CNGB1: variants seen among roughly 807,000 people sequenced by gnomAD.
CNGB1 encodes the protein cyclic nucleotide gated channel subunit beta 1, also known as cyclic nucleotide-gated channel beta-1.
A neutral mutation model predicts 151.7 loss-of-function variants in CNGB1; 126 were observed. That is an observed-to-expected ratio of 0.83 (90% confidence interval 0.72 to 0.96). The LOEUF is 0.96. Ranked by LOEUF, CNGB1 falls within the 40% of genes least tolerant of loss-of-function variation. The pLI, the probability that CNGB1 is intolerant of heterozygous loss-of-function variation, is 0.00. For synonymous variants in CNGB1, 623 were observed against 635.1 expected (o/e 0.98, Z 0.29); for missense variants, 1,698 against 1,627.0 (o/e 1.04, Z -0.75).
chr16:57,962,497 G>C (rs1962282732), intron 7 of CNGB1, 68 bp downstream of exon 7: 2 of 1,451,636 alleles, frequency 1.4e-6, no homozygotes, highest in East Asian at 4.5e-5. Context: ...CCCTGCTCCT[G>C]AAACCAAGGA....
At chr16:57,899,924 C>T (rs777788161) in intron 29 of CNGB1, among the ~76,000 whole-genome samples, 3 of 152,198 alleles carry the variant, frequency 2.0e-5, no homozygotes, top group Non-Finnish European at 1.5e-5. Flanking sequence ...CACACGTGCT[C>T]ACCAAGTGCT....
intron 2 of CNGB1, among the ~76,000 whole-genome samples, chr16:57,964,843 G>A (rs760631323): frequency 1.3e-5 from 2 of 152,202 alleles, no homozygotes; most frequent in Non-Finnish European, 2.9e-5. Context: ...TCAGTGGCCT[G>A]AGAGGAGAAA....
intron 17 of CNGB1, among the ~76,000 whole-genome samples, chr16:57,931,019 CTT>C (rs1428462342): frequency 6.6e-6 from 1 of 150,712 alleles, no homozygotes; most frequent in Non-Finnish European, 1.5e-5. Flanking sequence ...TTAAAAAAGA[CTT>C]GGTGAGTTAT....
intron 9 of CNGB1, 50 bp downstream of exon 9, chr16:57,960,432 C>T (rs745536297): frequency 6.2e-7 from 1 of 1,600,140 alleles, no homozygotes; most frequent in South Asian, 1.1e-5. Context: ...TCCCTGAGCC[C>T]AGCCCGTGAC....
intron 2 of CNGB1, 140 bp downstream of exon 2, chr16:57,966,988 T>A: frequency 8.7e-7 from 1 of 1,153,974 alleles, no homozygotes; most frequent in Non-Finnish European, 1.3e-6. Context: ...CTCGAACAAG[T>A]GTGGGACCCT....
chr16:57,912,966 C>T lies in CNGB1; in HGVS notation c.2333G>A (p.Arg778His), dbSNP rs374491029. Residue 778 changes from arginine to histidine, a missense_variant, in exon 24 of 33, where the codon CGC (arginine) becomes CAC (histidine). Coordinates refer to ENST00000251102, the MANE Select transcript of CNGB1 (RefSeq NM_001297.5). The part of the protein sequence containing the change: ...KYMAFFEFNS[R>H]LESILSKAYV... ...GGCTTTGCTGAGGATGGATTCCAGG[C>T]GGCTGTTAAACTCGAAGAAGGCCAT... 37 of 1,613,840 alleles carry T rather than the reference C, an allele frequency of 2.3e-5. No individual in the cohort carries two copies. Among genetic ancestry groups the T allele is most frequent in the Middle Eastern group, 3.3e-4 (2 of 6,084 alleles).
At chr16:57,950,603 G>T in intron 12 of CNGB1, 63 bp from the exon 13 acceptor site, 1 of 1,581,706 alleles carries the variant, frequency 6.3e-7, no homozygotes, top group Non-Finnish European at 8.6e-7. Context: ...GGGCCTCTGA[G>T]TCCCAGGGAG....
intron 25 of CNGB1, among the ~76,000 whole-genome samples, chr16:57,909,099 T>C (rs1407922433): frequency 6.6e-6 from 1 of 152,134 alleles, no homozygotes; most frequent in Admixed American, 6.5e-5. Context: ...CAAAACTCCA[T>C]ATATCCAAAA....
rs1465875523 is a variant in CNGB1 at position 57,960,593 on chromosome 16, C to A, written c.535-63G>T. On this transcript the variant is annotated intron_variant, in intron 8 of 32. Coordinates refer to ENST00000251102, the MANE Select transcript of CNGB1 (RefSeq NM_001297.5). ...CAAGCTCTGTGCGCTTCCCCAACCG[C>A]CACTACCAGCTGTGTCCTGGCCCAA... is the stretch of plus-strand genomic sequence containing the variant. The A allele has an allele frequency of 6.3e-6, 10 of 1,590,022 alleles. No individual in the cohort carries two copies. In the African/African-American group the frequency reaches 1.1e-4, roughly 17 times the overall value.
chr16:57,968,006 C>A (rs189491784), intron 1 of CNGB1, among the ~76,000 whole-genome samples: 1 of 151,982 alleles, frequency 6.6e-6, no homozygotes, highest in African/African-American at 2.4e-5. Context: ...ACACTATACC[C>A]AATAATAGAA....
At position 57,883,985 on chromosome 16, in the gene CNGB1, A is replaced by G; in HGVS notation, c.*179T>C. 1 of 783,650 alleles carries G rather than the reference A, an allele frequency of 1.3e-6. No individual in the cohort carries two copies. Among genetic ancestry groups the G allele is most frequent in the Non-Finnish European group, 2.1e-6 (1 of 475,294 alleles). The allele number at this position is 783,650 out of a possible 1,614,324, so 48.5% of individuals were successfully genotyped here. On this transcript the variant is annotated 3_prime_UTR_variant, in exon 33 of 33. Transcript: ENST00000251102. ...CGAGCTCAGGCCCAGCCCCGCGAGG[A>G]GCTGAGTCGGGGCTGGCGTGCTGGC...
At chr16:57,889,723 C>T (rs1247443710) in intron 31 of CNGB1, among the ~76,000 whole-genome samples, 3 of 152,116 alleles carry the variant, frequency 2.0e-5, no homozygotes, top group Non-Finnish European at 4.4e-5. Context: ...TATAGAAGTT[C>T]AGAGGGGGTG....
intron 4 of CNGB1, 86 bp downstream of exon 4, chr16:57,964,044 C>T: frequency 7.7e-7 from 1 of 1,294,562 alleles, no homozygotes; most frequent in Non-Finnish European, 1.1e-6. Context: ...CAGTGCCCAT[C>T]CCCACCCCCA....
chr16:57,960,956 C>A lies in CNGB1; in HGVS notation c.459-41G>T, dbSNP rs1374706926. The A allele has an allele frequency of 1.9e-6, 3 of 1,595,186 alleles. No individual in the cohort carries two copies. The East Asian group carries it at 6.7e-5, about 36-fold the overall frequency. On this transcript the variant is annotated intron_variant, in intron 7 of 32. Transcript: ENST00000251102. Reference sequence around the variant, plus strand: ...TGATCAGCAGAGTGCCCTGAGGGAACCGGCCAGCGCACTAACAGCCCACCT... The same window carrying A: ...TGATCAGCAGAGTGCCCTGAGGGAAACGGCCAGCGCACTAACAGCCCACCT...
rs797044693 is a variant in CNGB1, at chr16:57,904,811, T to TG, written c.2556dup (p.Lys853GlnfsTer5). On this transcript the variant is annotated frameshift_variant, in exon 26 of 33. Coordinates refer to ENST00000251102, the MANE Select transcript of CNGB1 (RefSeq NM_001297.5). LOFTEE classifies it high-confidence loss of function. ...TGGAAGACAATTTCAAAGAGTGTCT[T>TG]GGGGTCAGGCAGCCCCCCGATGGTG... 1 of 1,614,096 alleles carries TG rather than the reference T, an allele frequency of 6.2e-7. No homozygotes were observed. Among genetic ancestry groups the TG allele is most frequent in the Non-Finnish European group, 8.5e-7 (1 of 1,180,022 alleles).
rs770053839 is a variant in CNGB1, at chr16:57,960,904, C to A, written c.470G>T (p.Arg157Leu). The A allele has an allele frequency of 6.2e-7, 1 of 1,614,146 alleles. No individual in the cohort carries two copies. Among genetic ancestry groups the A allele is most frequent in the African/African-American group, 1.3e-5 (1 of 75,054 alleles). Residue 157 changes from arginine to leucine, a missense_variant, in exon 8 of 33, where the codon CGG (arginine) becomes CTG (leucine). Transcript: ENST00000251102. The part of the protein sequence containing the change: ...LEAQDTRPGL[R>L]LLLWLEQNLE... ...ATTCTGCTCCAGCCACAGAAGCAGC[C>A]GCAGCCCAGGCCTGCAGAGGGGCCA...
chr16:57,966,623 A>G (rs554887183), intron 2 of CNGB1, among the ~76,000 whole-genome samples: 1 of 152,332 alleles, frequency 6.6e-6, no homozygotes, highest in East Asian at 1.9e-4. Flanking sequence ...GTACTTAGCT[A>G]CAGAGTAGAT....
rs149283520 is a variant in CNGB1, at chr16:57,892,001, A to G, written c.3243-3927T>C. Among the ~76,000 whole-genome samples, 433 of 151,774 alleles carry G rather than the reference A, an allele frequency of 2.9e-3. 12 individuals are homozygous for G. Among genetic ancestry groups the G allele is most frequent in the Admixed American group, 0.026 (391 of 15,170 alleles). On this transcript the variant is annotated intron_variant, in intron 31 of 32. Transcript: ENST00000251102. ...CAGACTTCTTGTGCTTAGGAACATGAGACGGCACTTCAGCACTATGCTGGG... is the reference window on the plus strand; with the variant it reads ...CAGACTTCTTGTGCTTAGGAACATGGGACGGCACTTCAGCACTATGCTGGG...
chr16:57,927,314 T>C (rs1197644055), intron 17 of CNGB1, among the ~76,000 whole-genome samples: 1 of 152,234 alleles, frequency 6.6e-6, no homozygotes, highest in Non-Finnish European at 1.5e-5. Flanking sequence ...CAAGCTCCTC[T>C]GTGGCTTTTT....
Sources: allele counts gnomAD v4.1 joint callset (sites outside exome capture counted in the v4.1 genomes callset), GRCh38; gene constraint gnomAD v4.1.1; transcripts MANE v1.5; gene names NCBI Gene and HGNC (gene_info 2026-07-23, HGNC 2026-07-21).